The following PSG9 variants were observed in gnomAD, a reference collection of about 807,000 sequenced individuals.
PSG9 encodes the protein pregnancy-specific beta-1-glycoprotein 9.
Under a neutral mutation model 41.9 loss-of-function variants are expected in PSG9, and 49 were observed. The observed-to-expected ratio is 1.17, with a 90% confidence interval of 0.93 to 1.48. The LOEUF is 1.48. Among genes scored for constraint, PSG9 ranks in the 40% most tolerant of loss-of-function variants. The pLI is 0.00. For missense variants in PSG9, 641 were observed against 520.3 expected, an observed-to-expected ratio of 1.23 and a Z score of -2.26; for synonymous variants, 263 against 196.8, an observed-to-expected ratio of 1.34 and a Z score of -2.82.
At chr19:43,268,591 C>T (rs143178634) in intron 1 of PSG9, among the ~76,000 whole-genome samples, 3 of 151,934 alleles carry the variant, frequency 2.0e-5, no homozygotes, top group Non-Finnish European at 4.4e-5. Flanking sequence ...TCACATTCTA[C>T]ATCTCTTCGC....
At chr19:43,257,139 G>A (rs551974048) in intron 5 of PSG9, 2 of 149,132 alleles carry the variant, frequency 1.3e-5, no homozygotes, top group African/African-American at 2.6e-5. Flanking sequence ...ATAAAAGATA[G>A]TTAGAATAGC....
chr19:43,254,095 T>C (rs1968361172), intron 5 of PSG9, among the ~76,000 whole-genome samples: 1 of 145,988 alleles, frequency 6.8e-6, no homozygotes, highest in African/African-American at 2.6e-5. Context: ...TTTTATGTGT[T>C]ACCTCTTTTT....
intron 1 of PSG9, among the ~76,000 whole-genome samples, chr19:43,268,560 G>T (rs992699572): frequency 6.6e-6 from 1 of 152,080 alleles, no homozygotes; most frequent in African/African-American, 2.4e-5. Context: ...CTCCCTCCAG[G>T]GTTCTTGTCA....
rs1968654406 is a variant in PSG9 at position 43,260,385 on chromosome 19, C to G, written c.710-1250G>C. 2.0e-5 allele frequency: 3 copies of G among 147,360 alleles called. 1 individual carries two copies. Among genetic ancestry groups the G allele is most frequent in the Admixed American group, 2.0e-4 (3 of 14,818 alleles). The allele number at this position is 147,360 out of a possible 1,614,324, so 9.1% of individuals were successfully genotyped here. On this transcript the variant is annotated intron_variant, in intron 3 of 5. Transcript: ENST00000270077. ...ATTTGTCATATACTTACTGGTTTAGCATCCCAAATCTGAAAGATTCAAAAT... is the reference window on the plus strand; with the variant it reads ...ATTTGTCATATACTTACTGGTTTAGGATCCCAAATCTGAAAGATTCAAAAT...
intron 2 of PSG9, among the ~76,000 whole-genome samples, chr19:43,264,853 C>A (rs1446291505): frequency 1.3e-5 from 2 of 152,164 alleles, no homozygotes; most frequent in Admixed American, 1.3e-4. Flanking sequence ...ATATGCCTGA[C>A]AGGAAGCCAG....
At chr19:43,266,527 A>G (rs749072769) in intron 2 of PSG9, among the ~76,000 whole-genome samples, 2 of 151,964 alleles carry the variant, frequency 1.3e-5, no homozygotes, top group South Asian at 2.1e-4. Flanking sequence ...AGTGACATGG[A>G]CACTTTGGGA....
chr19:43,257,821 C>T (rs10412177), intron 5 of PSG9: 476,773 of 1,337,270 alleles, frequency 0.36, 112,884 homozygotes, highest in East Asian at 0.93. Context: ...CCTCAGCTGT[C>T]CCTTGTAGCT....
intron 2 of PSG9, among the ~76,000 whole-genome samples, chr19:43,262,684 G>A (rs1226743407): frequency 6.6e-6 from 1 of 152,140 alleles, no homozygotes; most frequent in African/African-American, 2.4e-5. Flanking sequence ...AGTCAAGCCG[G>A]GAGGTCAGTT....
chr19:43,267,072 A>G (rs929001608), intron 2 of PSG9, among the ~76,000 whole-genome samples: 7 of 152,148 alleles, frequency 4.6e-5, no homozygotes, highest in African/African-American at 1.7e-4. Flanking sequence ...GCTACCAGGT[A>G]CATCTTCTCC....
chr19:43,265,174 C>A (rs1013111769), intron 2 of PSG9, among the ~76,000 whole-genome samples: 5 of 152,144 alleles, frequency 3.3e-5, no homozygotes, highest in African/African-American at 9.7e-5. Context: ...AAAACTAACA[C>A]CCTTACTTTG....
intron 2 of PSG9, among the ~76,000 whole-genome samples, chr19:43,267,059 G>T (rs926501846): frequency 1.3e-5 from 2 of 152,142 alleles, no homozygotes; most frequent in Non-Finnish European, 2.9e-5. Flanking sequence ...CTGTGGACAA[G>T]CTGCTACCAG....
rs765310556 is a variant in PSG9 at position 43,258,404 on chromosome 19, T to A, written c.1041A>T (p.Gly347=). The A allele has an allele frequency of 6.3e-7, 1 of 1,591,046 alleles. No individual in the cohort carries two copies. Among genetic ancestry groups the A allele is most frequent in the Non-Finnish European group, 8.5e-7 (1 of 1,173,780 alleles). ...IYPSFTYYRS[G]ENLDLSCFTE... is the part of the protein sequence containing the mutation. Reference sequence around the variant, plus strand: ...TGAAGCAGGACAAGTCGAGGTTTTCTCCTGAACGGTAATAGGTGAATGAAG... The same window carrying A: ...TGAAGCAGGACAAGTCGAGGTTTTCACCTGAACGGTAATAGGTGAATGAAG... Residue 347 remains glycine (G), a synonymous_variant, in exon 5 of 6, where the codon GGA becomes GGT. Transcript: ENST00000270077.
At chr19:43,268,654 T>G (rs554736818) in intron 1 of PSG9, among the ~76,000 whole-genome samples, 1 of 152,292 alleles carries the variant, frequency 6.6e-6, no homozygotes, top group African/African-American at 2.4e-5. Flanking sequence ...CAGGGACTTT[T>G]GTGATCCTGG....
chr19:43,263,374 A>G lies in PSG9; in HGVS notation c.431-1236T>C, dbSNP rs1224314963. Among the ~76,000 whole-genome samples the G allele has an allele frequency of 2.6e-5, 4 of 152,252 alleles. 1 individual carries two copies. In the Middle Eastern group the frequency reaches 0.01, roughly 388 times the overall value. ...TTTTATTTTGGAATATTTGCAGTAC[A>G]TGTACTGGTTTAGCATCCCAAATCT... On this transcript the variant is annotated intron_variant, in intron 2 of 5. Transcript: ENST00000270077.
chr19:43,254,447 T>G lies in PSG9; in HGVS notation c.1244-801A>C, dbSNP rs777715593. Among the ~76,000 whole-genome samples, 6 of 146,430 alleles carry G rather than the reference T, an allele frequency of 4.1e-5. 1 individual carries two copies. The highest frequency in any genetic ancestry group is 8.9e-5 in the Non-Finnish European group (6 of 67,394). The stretch of plus-strand genomic sequence containing the variant: ...CTTTAAAACAATGGTAAGAAGAAAG[T>G]ACTCTCATTGCAATTTTCAGGTAAG... On this transcript the variant is annotated intron_variant, in intron 5 of 5. Transcript: ENST00000270077.
At chr19:43,264,219 A>G (rs1333536801) in intron 2 of PSG9, among the ~76,000 whole-genome samples, 1 of 152,102 alleles carries the variant, frequency 6.6e-6, no homozygotes, top group East Asian at 1.9e-4. Context: ...TATTCCCATT[A>G]TGTGTATGTT....
At chr19:43,253,673 G>A (rs750161472) in intron 5 of PSG9, 27 bp from the exon 6 acceptor site, 6 of 1,226,818 alleles carry the variant, frequency 4.9e-6, no homozygotes, top group Non-Finnish European at 5.8e-6. Flanking sequence ...CCAGGTCAGT[G>A]CATTTCAAAT....
rs1455464492 is a variant in PSG9, at chr19:43,262,152, A to C, written c.431-14T>G. ...TGGGAGTCTCCACTGTGCAGAAAAC[A>C]GAGAGAAGATTGCCCTGTGTGGCAC... On this transcript the variant is annotated splice_polypyrimidine_tract_variant and intron_variant, in intron 2 of 5. Transcript: ENST00000270077. 1 of 1,608,690 alleles carries C rather than the reference A, an allele frequency of 6.2e-7. No homozygotes were observed. Among genetic ancestry groups the C allele is most frequent in the Non-Finnish European group, 8.5e-7 (1 of 1,176,488 alleles).
rs1968560752 is a variant in PSG9 at position 43,258,741 on chromosome 19, G to A, written c.988+116C>T. On this transcript the variant is annotated intron_variant, in intron 4 of 5. Coordinates refer to ENST00000270077, the MANE Select transcript of PSG9 (RefSeq NM_002784.5). ...AGGGCAGGGAGTCATGGCCACCTCG[G>A]ATGTCTAGAAGTAAAGGTGTCTATA... 4 of 1,480,158 alleles carry A rather than the reference G, an allele frequency of 2.7e-6. 1 individual carries two copies. The Admixed American group carries it at 6.3e-5, about 23-fold the overall frequency. 91.7% of individuals were successfully genotyped at this position (1,480,158 alleles called of 1,614,324 possible).
Sources: gnomAD v4.1 joint callset for allele counts (sites outside exome capture counted in the v4.1 genomes callset) on GRCh38, gnomAD v4.1.1 for gene constraint, MANE v1.5 for transcripts, NCBI Gene and HGNC (gene_info 2026-07-23, HGNC 2026-07-21) for gene names.